The following SH3GLB2 variants were observed in gnomAD, a reference collection of about 807,000 sequenced individuals.
SH3GLB2 encodes endophilin-B2.
Under a neutral mutation model 48.0 loss-of-function variants are expected in SH3GLB2, and 24 were observed. The ratio of observed to expected loss-of-function variants is 0.50; its 90% CI spans 0.36 to 0.70. The LOEUF (loss-of-function observed/expected upper bound fraction) is 0.70. SH3GLB2 is among the 30% of genes least tolerant of loss of function. SH3GLB2 has a pLI of 0.00. For synonymous variants in SH3GLB2, 227 were observed against 207.6 expected, an observed-to-expected ratio of 1.09 and a Z score of -0.80; for missense variants, 425 against 516.0, an observed-to-expected ratio of 0.82 and a Z score of 1.71.
intron 3 of SH3GLB2, among the ~76,000 whole-genome samples, chr9:129,018,359 C>CTT (rs55668629): frequency 0.064 from 9,674 of 151,958 alleles, 393 homozygotes; most frequent in Non-Finnish European, 0.088. Flanking sequence ...GGGCGGATCA[C>CTT]AAGGTCAGGA....
chr9:129,010,338 T>C, intron 7 of SH3GLB2, 129 bp from the exon 8 acceptor site: 2 of 772,804 alleles, frequency 2.6e-6, no homozygotes, highest in Non-Finnish European at 4.2e-6. Context: ...TCTGGGTCTA[T>C]GCCTGACTTC....
In SH3GLB2 at chr9:129,009,859, G is replaced by A. The variant is rs766612934; in HGVS notation, c.751C>T (p.Arg251Cys). 15 of 1,613,572 alleles carry A rather than the reference G, an allele frequency of 9.3e-6. 1 individual carries two copies. The Admixed American group carries it at 1.3e-4, about 14-fold the overall frequency. ...GACTTGACGAACTCGTGGAGGCAGC[G>A]CAGGTGGTTCACCTGCGGGGAAGAG... Reference protein sequence around the residue: ...GISSTHVNHLRCLHEFVKSQT... With the variant: ...GISSTHVNHLCCLHEFVKSQT... Residue 251 changes from arginine (R) to cysteine (C), a missense_variant, in exon 9 of 11, where the codon CGC becomes TGC. By Grantham distance (180) the Arg-to-Cys change is radical. Coordinates refer to ENST00000372564, the MANE Select transcript of SH3GLB2 (RefSeq NM_020145.4).
In SH3GLB2 at chr9:129,014,028, C is replaced by T. The variant is rs562858331; in HGVS notation, c.561+383G>A. 5 of 477,770 alleles carry T rather than the reference C, an allele frequency of 1.0e-5. No homozygotes were observed. The highest frequency in any genetic ancestry group is 6.2e-5 in the South Asian group (4 of 64,742). 29.6% of individuals were successfully genotyped at this position (477,770 alleles called of 1,614,324 possible). On this transcript the variant is annotated intron_variant, in intron 5 of 10. Coordinates refer to ENST00000372564, the MANE Select transcript of SH3GLB2 (RefSeq NM_020145.4). This position sits in a 1 kb window ranked among gnomAD's most constrained non-coding sequence, Gnocchi z 4.1. ...GGGGGCGCCTGAGCACAGGGACCCT[C>T]GGCCTGACGTTCAAGCAGCAAGTAG...
intron 5 of SH3GLB2, chr9:129,012,844 T>C: frequency 1.3e-6 from 1 of 798,962 alleles, no homozygotes; most frequent in Non-Finnish European, 2.0e-6. Flanking sequence ...CCCCAACGCC[T>C]GGCATCCCCC....
chr9:129,022,474 G>C, intron 1 of SH3GLB2, 51 bp from the exon 2 acceptor site: 1 of 1,524,886 alleles, frequency 6.6e-7, no homozygotes, highest in Non-Finnish European at 9.0e-7. Flanking sequence ...CTCAGAAGGA[G>C]GTGGGGGAGT....
rs202071696 is a variant in SH3GLB2, at chr9:129,012,297, G to A, written c.563C>T (p.Thr188Met). The A allele has an allele frequency of 1.2e-4, 150 of 1,301,344 alleles. No homozygotes were observed. The highest frequency in any genetic ancestry group is 7.4e-5 in the Admixed American group (2 of 27,130). 80.6% of individuals were successfully genotyped at this position (1,301,344 alleles called of 1,614,324 possible). Residue 188 changes from threonine to methionine, a missense_variant and splice_region_variant, in exon 6 of 11, where the codon ACG becomes ATG. Transcript: ENST00000372564. Reference sequence around the variant, plus strand: ...TCTAGTCTCCTGAAAGTCAGGCACCGTCTGGCGGGGAACAGAGTTCATGTG... The same window carrying A: ...TCTAGTCTCCTGAAAGTCAGGCACCATCTGGCGGGGAACAGAGTTCATGTG... The part of the protein sequence containing the change: ...KAKAAEAKAT[T>M]VPDFQETRPR...
chr9:129,013,052 G>A (rs1843215669), intron 5 of SH3GLB2: 6 of 1,551,104 alleles, frequency 3.9e-6, no homozygotes, highest in Non-Finnish European at 5.2e-6. Context: ...GGACGGAAAG[G>A]AACAAAAACA....
intron 3 of SH3GLB2, chr9:129,015,766 CAGGCGGA>C (rs1490284363): frequency 2.1e-5 from 5 of 243,854 alleles, no homozygotes; most frequent in South Asian, 1.6e-4. Context: ...CTGGGAGGCC[CAGGCGGA>C]AGGATCATTT....
At chr9:129,010,568 T>G in intron 7 of SH3GLB2, 102 bp downstream of exon 7, 1 of 1,338,786 alleles carries the variant, frequency 7.5e-7, no homozygotes, top group Non-Finnish European at 1.1e-6. Flanking sequence ...CCCCAGTGGG[T>G]GTGGGGCAGA....
intron 3 of SH3GLB2, among the ~76,000 whole-genome samples, chr9:129,015,536 G>A (rs1302031078): frequency 1.3e-5 from 2 of 152,118 alleles, no homozygotes; most frequent in Non-Finnish European, 1.5e-5. Flanking sequence ...AGCTGTTCAA[G>A]ACCAGCCCGG....
chr9:129,008,758 G>C lies in SH3GLB2; in HGVS notation c.1114C>G (p.Pro372Ala). ...ITVYSLPGMD[P>A]DWLIGERGNK... Reference sequence around the variant, plus strand: ...CCTCTCTCGCCAATGAGCCAGTCAGGGTCCATGCCAGGCAGGCTGTAGACA... The same window carrying C: ...CCTCTCTCGCCAATGAGCCAGTCAGCGTCCATGCCAGGCAGGCTGTAGACA... The change falls in exon 11 of 11, where the codon CCT becomes GCT. Residue 372 changes from proline (P) to alanine (A), a missense_variant. By Grantham distance (27) the Pro-to-Ala change is conservative. Transcript: ENST00000372564. 6.2e-7 allele frequency: 1 copy of C among 1,614,104 alleles called. No individual in the cohort carries two copies. Among genetic ancestry groups the C allele is most frequent in the South Asian group, 1.1e-5 (1 of 91,080 alleles).
intron 5 of SH3GLB2, chr9:129,012,644 G>A: frequency 2.2e-6 from 1 of 447,730 alleles, no homozygotes; most frequent in Non-Finnish European, 4.0e-6. Context: ...GTGGCACTCA[G>A]ATGCCCCAGG....
In SH3GLB2 at chr9:129,009,803, G is replaced by A. The variant is rs533533903; in HGVS notation, c.807C>T (p.Arg269=). 2.8e-5 allele frequency: 45 copies of A among 1,613,930 alleles called. No homozygotes were observed. In the Admixed American group the frequency reaches 4.3e-4, roughly 16 times the overall value. ...GCTGCTTCTGCAAGTCCAGCATGTGGCGGTAGCACTGTGCGTAGTAGGTTG... is the reference window on the plus strand; with the variant it reads ...GCTGCTTCTGCAAGTCCAGCATGTGACGGTAGCACTGTGCGTAGTAGGTTG... ...SQTTYYAQCY[R]HMLDLQKQLG... is the part of the protein sequence containing the mutation. The change falls in exon 9 of 11, where the codon CGC becomes CGT. Residue 269 remains arginine (R), a synonymous_variant. Coordinates refer to ENST00000372564, the MANE Select transcript of SH3GLB2 (RefSeq NM_020145.4).
intron 3 of SH3GLB2, among the ~76,000 whole-genome samples, chr9:129,018,881 GACTCCATCTC>G (rs1299692948): frequency 1.4e-5 from 2 of 146,650 alleles, no homozygotes; most frequent in Non-Finnish European, 3.0e-5. Flanking sequence ...GACAGAGTGA[GACTCCATCTC>G]AAAAAAAAAA....
chr9:129,010,583 G>C, intron 7 of SH3GLB2, 87 bp downstream of exon 7: 1 of 1,493,630 alleles, frequency 6.7e-7, no homozygotes, highest in Non-Finnish European at 9.3e-7. Context: ...GGCAGAGTGA[G>C]AAACAGATCA....
At chr9:129,012,912 A>T in intron 5 of SH3GLB2, 1 of 1,491,414 alleles carries the variant, frequency 6.7e-7, no homozygotes, top group Non-Finnish European at 9.1e-7. Context: ...CTGCTTGCAA[A>T]ATGCCCCAAG....
intron 3 of SH3GLB2, among the ~76,000 whole-genome samples, chr9:129,016,951 CTTTTT>C (rs766780203): frequency 4.4e-5 from 5 of 112,426 alleles, no homozygotes; most frequent in Admixed American, 1.0e-4. Flanking sequence ...ATACTCTGCT[CTTTTT>C]TTTTTTTTTT....
In SH3GLB2 at chr9:129,010,891, T is replaced by C. The variant is rs1028727319; in HGVS notation, c.625-198A>G. 16 of 617,556 alleles carry C rather than the reference T, an allele frequency of 2.6e-5. No individual in the cohort carries two copies. In the Admixed American group the frequency reaches 4.1e-4, roughly 16 times the overall value. The allele number at this position is 617,556 out of a possible 1,614,324, so 38.3% of individuals were successfully genotyped here. On this transcript the variant is annotated intron_variant, in intron 6 of 10. Coordinates refer to ENST00000372564, the MANE Select transcript of SH3GLB2 (RefSeq NM_020145.4). The stretch of plus-strand genomic sequence containing the variant: ...GCTGGCGGTCCCAGTCCCTCTAACA[T>C]GCCTCATGCAGGAGGGGAGCAGCCA...
At chr9:129,010,845 G>T in intron 6 of SH3GLB2, 152 bp from the exon 7 acceptor site, 2 of 908,938 alleles carry the variant, frequency 2.2e-6, no homozygotes, top group Non-Finnish European at 3.4e-6. Context: ...ACTGGGCCGA[G>T]GCCCGGCATG....
Sources: gnomAD v4.1 joint callset for allele counts (sites outside exome capture counted in the v4.1 genomes callset) on GRCh38, gnomAD v4.1.1 for gene constraint, Gnocchi (gnomAD v3.1) non-coding constraint, MANE v1.5 for transcripts, NCBI Gene and HGNC (gene_info 2026-07-23, HGNC 2026-07-21) for gene names.